NRG1: variants seen among roughly 807,000 people sequenced by gnomAD.
The protein encoded by NRG1 is pro-neuregulin-1, membrane-bound isoform.
NRG1 carries 18 observed loss-of-function variants against 63.8 expected under a neutral mutation model. The observed-to-expected ratio is 0.28, with a 90% CI of 0.19 to 0.42. The LOEUF is 0.42. Among genes scored for constraint, NRG1 ranks in the 10% least tolerant of loss-of-function variants. NRG1 has a pLI of 1.00. For synonymous variants in NRG1, 302 were observed against 301.3 expected (o/e 1.00, Z -0.02); for missense variants, 762 against 814.7 (o/e 0.94, Z 0.79).
At chr8:32,593,854 C>CAAAAAAA (rs11444147) in intron 1 of NRG1, among the ~76,000 whole-genome samples, 2 of 97,068 alleles carry the variant, frequency 2.1e-5, no homozygotes, top group Non-Finnish European at 4.1e-5. Context: ...TTCAAGGTGT[C>CAAAAAAA]AAAAAAAAAA....
At chr8:32,203,099 G>A (rs962117798) in intron 1 of NRG1, among the ~76,000 whole-genome samples, 3 of 149,928 alleles carry the variant, frequency 2.0e-5, no homozygotes, top group Non-Finnish European at 4.4e-5. Context: ...TTTGGCTTCT[G>A]TCACTGACTC....
intron 1 of NRG1, among the ~76,000 whole-genome samples, chr8:32,120,474 C>T (rs578197429): frequency 1.3e-5 from 2 of 152,092 alleles, no homozygotes; most frequent in South Asian, 2.1e-4. Flanking sequence ...TGTGAAATCT[C>T]CTTGCACACT....
At chr8:32,549,753 A>T (rs1057135896) in intron 1 of NRG1, among the ~76,000 whole-genome samples, 4 of 152,186 alleles carry the variant, frequency 2.6e-5, no homozygotes, top group African/African-American at 9.7e-5. Flanking sequence ...GATGCTTTGG[A>T]CATTACCTTG....
intron 1 of NRG1, among the ~76,000 whole-genome samples, chr8:32,282,204 G>T (rs1852941277): frequency 6.6e-6 from 1 of 152,164 alleles, no homozygotes. Flanking sequence ...GCCTTTGGTG[G>T]ACAAAGTATC....
At chr8:31,688,084 T>C (rs1490941150) in intron 1 of NRG1, among the ~76,000 whole-genome samples, 1 of 152,266 alleles carries the variant, frequency 6.6e-6, no homozygotes, top group Non-Finnish European at 1.5e-5. Flanking sequence ...AAAATATTTA[T>C]ATTTTTTGTT....
intron 5 of NRG1, among the ~76,000 whole-genome samples, chr8:32,671,664 G>A (rs1280154252): frequency 1.3e-5 from 2 of 151,790 alleles, no homozygotes; most frequent in Non-Finnish European, 2.9e-5. Context: ...TTAAATATAA[G>A]GAAAATCCTA....
chr8:32,770,907 T>A (rs1831741102), downstream of NRG1, among the ~76,000 whole-genome samples: 1 of 152,166 alleles, frequency 6.6e-6, no homozygotes, highest in Admixed American at 6.5e-5. Context: ...TCCAGTTCCT[T>A]AAGTTTTGGA....
In NRG1 at chr8:32,177,004, T is replaced by C. The variant is rs1320370082; in HGVS notation, c.38-418824T>C. ...TATATTCCCAAAGGATTATAAATCA[T>C]GCTGCTATAAAGACACATGCACACA... On this transcript the variant is annotated intron_variant, in intron 1 of 10. Transcript: ENST00000519301. Among the ~76,000 whole-genome samples the C allele has an allele frequency of 3.3e-5, 5 of 152,202 alleles. No homozygotes were observed. In the East Asian group the frequency reaches 7.7e-4, roughly 23 times the overall value.
intron 1 of NRG1, among the ~76,000 whole-genome samples, chr8:31,898,455 A>G (rs867562961): frequency 6.6e-6 from 1 of 152,194 alleles, no homozygotes; most frequent in Non-Finnish European, 1.5e-5. Context: ...TATTTTGTAA[A>G]TATTCTAAGA....
intron 1 of NRG1, among the ~76,000 whole-genome samples, chr8:32,285,056 G>A (rs1396598866): frequency 1.3e-5 from 2 of 152,162 alleles, no homozygotes; most frequent in Admixed American, 1.3e-4. Flanking sequence ...TCTAAGCTTG[G>A]TTTGACCTAT....
intron 1 of NRG1, among the ~76,000 whole-genome samples, chr8:31,699,823 G>A (rs12544134): frequency 1.3e-5 from 2 of 152,084 alleles, no homozygotes; most frequent in African/African-American, 2.4e-5. Context: ...TGACAACCTA[G>A]GTTTACTGAG....
rs1004516086 is a variant in NRG1 at position 32,273,817 on chromosome 8, G to A, written c.38-322011G>A. On this transcript the variant is annotated intron_variant, in intron 1 of 10. Transcript: ENST00000519301. ...AGTTACTCACAGAAATATGCTGGAT[G>A]TGTTGACTGGTAACTTTAAACATGT... 3.3e-5 allele frequency among the ~76,000 whole-genome samples: 5 copies of A among 152,296 alleles called. 1 individual carries two copies. The highest frequency in any genetic ancestry group is 2.6e-4 in the Admixed American group (4 of 15,292).
At chr8:32,138,713 C>G (rs2131704562) in intron 1 of NRG1, among the ~76,000 whole-genome samples, 1 of 152,148 alleles carries the variant, frequency 6.6e-6, no homozygotes, top group Admixed American at 6.5e-5. Flanking sequence ...TAGGCGCCCA[C>G]CACCAAGCGC....
intron 1 of NRG1, among the ~76,000 whole-genome samples, chr8:32,388,382 C>T (rs986241502): frequency 2.0e-5 from 3 of 152,166 alleles, no homozygotes; most frequent in South Asian, 2.1e-4. Flanking sequence ...AAATTTCTAA[C>T]GTAGGGGTTT....
intron 1 of NRG1, among the ~76,000 whole-genome samples, chr8:32,442,212 G>T (rs1209060204): frequency 6.6e-6 from 1 of 152,164 alleles, no homozygotes; most frequent in Non-Finnish European, 1.5e-5. Flanking sequence ...TGTCCAGAGG[G>T]AGAAGAGTGT....
chr8:32,695,747 C>T (rs1419275448), intron 5 of NRG1, among the ~76,000 whole-genome samples: 1 of 152,138 alleles, frequency 6.6e-6, no homozygotes, highest in African/African-American at 2.4e-5. Context: ...TTGCTAATGT[C>T]ATTAAGTGCC....
chr8:32,316,351 C>T (rs1451977761), intron 1 of NRG1, among the ~76,000 whole-genome samples: 4 of 152,020 alleles, frequency 2.6e-5, no homozygotes, highest in African/African-American at 9.7e-5. Context: ...TGGCGCATGC[C>T]TGTAGTCCCA....
At chr8:32,210,290 C>T (rs1417539982) in intron 1 of NRG1, among the ~76,000 whole-genome samples, 1 of 152,018 alleles carries the variant, frequency 6.6e-6, no homozygotes, top group African/African-American at 2.4e-5. Flanking sequence ...TGTTTGAACA[C>T]AGGAATACCC....
intron 1 of NRG1, among the ~76,000 whole-genome samples, chr8:31,853,042 T>C (rs978065855): frequency 6.6e-5 from 10 of 151,968 alleles, no homozygotes; most frequent in Admixed American, 2.0e-4. Flanking sequence ...AGTCAGGTAG[T>C]GTGATGCCTC....
Sources: gnomAD v4.1 joint callset for allele counts (sites outside exome capture counted in the v4.1 genomes callset) on GRCh38, gnomAD v4.1.1 for gene constraint, MANE v1.5 for transcripts, NCBI Gene and HGNC (gene_info 2026-07-23, HGNC 2026-07-21) for gene names.